Variants in AVEN observed in about 807,000 individuals in gnomAD.
AVEN encodes the protein cell death regulator Aven.
Under a neutral mutation model 38.1 loss-of-function variants are expected in AVEN, and 41 were observed. The observed-to-expected ratio is 1.08, with a 90% CI of 0.84 to 1.40. AVEN has a LOEUF of 1.40. AVEN is among the 40% of genes most tolerant of loss of function. AVEN has a pLI of 0.00. For missense variants in AVEN, 605 were observed against 438.8 expected (o/e 1.38, Z -3.38); for synonymous variants, 206 against 171.8 (o/e 1.20, Z -1.56).
chr15:34,002,619 T>C (rs912630053), intron 2 of AVEN, among the ~76,000 whole-genome samples: 1 of 152,174 alleles, frequency 6.6e-6, no homozygotes, highest in African/African-American at 2.4e-5. Flanking sequence ...TCCACTACTA[T>C]GTATATACCT....
At chr15:33,885,346 G>C (rs8026540) in intron 2 of AVEN, among the ~76,000 whole-genome samples, 5,535 of 152,194 alleles carry the variant, frequency 0.036, 296 homozygotes, top group South Asian at 0.14. Flanking sequence ...GATCAATCCA[G>C]GGAAAATCCA....
At position 33,866,736 on chromosome 15, in the gene AVEN, A is replaced by G. The variant is rs754399516; in HGVS notation, c.974-8T>C. 26 of 1,589,864 alleles carry G rather than the reference A, an allele frequency of 1.6e-5. No homozygotes were observed. The highest frequency in any genetic ancestry group is 8.1e-5 in the African/African-American group (6 of 74,262). On this transcript the variant is annotated splice_region_variant and splice_polypyrimidine_tract_variant and intron_variant, in intron 5 of 5. Transcript: ENST00000306730. ...CAGATGGTTTTGCACAAACTGGGGGAAAAAAAACAATGTTAACACCCTCAG... is the reference window on the plus strand; with the variant it reads ...CAGATGGTTTTGCACAAACTGGGGGGAAAAAAACAATGTTAACACCCTCAG...
rs1018404366 is a variant in AVEN at position 33,866,743 on chromosome 15, ACAATGTTAACACCCT to A, written c.974-30_974-16del. On this transcript the variant is annotated splice_polypyrimidine_tract_variant and intron_variant, in intron 5 of 5. Coordinates refer to ENST00000306730, the MANE Select transcript of AVEN (RefSeq NM_020371.3). ...TTTTGCACAAACTGGGGGAAAAAAA[ACAATGTTAACACCCT>A]CAGATGAGTCCTAAAATTGAAGGTA... 18 of 1,561,030 alleles carry A rather than the reference ACAATGTTAACACCCT, an allele frequency of 1.2e-5. No homozygotes were observed. Among genetic ancestry groups the A allele is most frequent in the Non-Finnish European group, 1.3e-5 (15 of 1,131,994 alleles).
intron 2 of AVEN, among the ~76,000 whole-genome samples, chr15:33,945,075 A>G (rs1894458343): frequency 6.6e-6 from 1 of 152,192 alleles, no homozygotes; most frequent in South Asian, 2.1e-4. Flanking sequence ...GTTCTGAGCA[A>G]TGTCTGTAAT....
chr15:33,872,297 T>A (rs10152764), intron 3 of AVEN, among the ~76,000 whole-genome samples: 1 of 152,050 alleles, frequency 6.6e-6, no homozygotes, highest in Admixed American at 6.5e-5. Flanking sequence ...CATAAGACTC[T>A]GAGTGTCCAG....
rs1555501845 is a variant in AVEN at position 33,866,468 on chromosome 15, G to GAGGTAGGCATTT, written c.*133_*144dup. 5 of 612,752 alleles carry GAGGTAGGCATTT rather than the reference G, an allele frequency of 8.2e-6. No individual in the cohort carries two copies. The highest frequency in any genetic ancestry group is 1.5e-5 in the Non-Finnish European group (5 of 343,846). The allele number at this position is 612,752 out of a possible 1,614,324, so 38.0% of individuals were successfully genotyped here. On this transcript the variant is annotated 3_prime_UTR_variant, in exon 6 of 6. Coordinates refer to ENST00000306730, the MANE Select transcript of AVEN (RefSeq NM_020371.3). ...TGTATTCTTTCAGATGTCAAACACAGAGGTAGGCATTTACTGCTGTGAGCA... is the reference window on the plus strand; with the variant it reads ...TGTATTCTTTCAGATGTCAAACACAGAGGTAGGCATTTAGGTAGGCATTTACTGCTGTGAGCA...
At chr15:33,860,876 T>C (rs1356273557) in intron 11 of AVEN, among the ~76,000 whole-genome samples, 1 of 151,550 alleles carries the variant, frequency 6.6e-6, no homozygotes, top group Non-Finnish European at 1.5e-5. Flanking sequence ...AGCAGTATCC[T>C]CAGCTAATCA....
At chr15:33,862,864 G>C (rs557785571), downstream of AVEN, among the ~76,000 whole-genome samples, 2 of 152,224 alleles carry the variant, frequency 1.3e-5, no homozygotes, top group African/African-American at 2.4e-5. Context: ...ACCTGCCTTG[G>C]CCTCAGCCTC....
At chr15:33,947,684 A>T (rs1048485334) in intron 2 of AVEN, among the ~76,000 whole-genome samples, 1 of 152,072 alleles carries the variant, frequency 6.6e-6, no homozygotes, top group Non-Finnish European at 1.5e-5. Context: ...TAGTTTTACT[A>T]TTTTTTTATA....
At chr15:33,980,910 A>G (rs546751476) in intron 2 of AVEN, among the ~76,000 whole-genome samples, 1 of 152,300 alleles carries the variant, frequency 6.6e-6, no homozygotes, top group South Asian at 2.1e-4. Flanking sequence ...TAAAAATCGT[A>G]TCACTAGAGC....
At chr15:33,865,119 A>C (rs751173871), downstream of AVEN, 1 of 1,601,868 alleles carries the variant, frequency 6.2e-7, no homozygotes, top group Non-Finnish European at 8.5e-7. Context: ...CCCGTTGTTC[A>C]TATTATTTCA....
intron 4 of AVEN, among the ~76,000 whole-genome samples, chr15:33,870,314 T>G (rs970808251): frequency 2.0e-5 from 3 of 152,146 alleles, no homozygotes; most frequent in African/African-American, 7.2e-5. Context: ...CCCCCACACA[T>G]GCACTCCAAT....
chr15:33,918,191 C>T (rs1376949585), intron 2 of AVEN, among the ~76,000 whole-genome samples: 7 of 151,994 alleles, frequency 4.6e-5, no homozygotes, highest in South Asian at 4.1e-4. Context: ...GATTCTCATA[C>T]GTATCTAAGC....
intron 2 of AVEN, among the ~76,000 whole-genome samples, chr15:33,983,930 GA>G (rs11353733): frequency 0.31 from 44,731 of 142,878 alleles, 8,575 homozygotes; most frequent in African/African-American, 0.55. Flanking sequence ...GCCTCATCAT[GA>G]AAAAAAAAAA....
chr15:33,916,499 CAAAG>C (rs1270729458), intron 2 of AVEN, among the ~76,000 whole-genome samples: 1 of 151,900 alleles, frequency 6.6e-6, no homozygotes, highest in East Asian at 1.9e-4. Context: ...GGAAAAAAAA[CAAAG>C]AATCCCATCA....
At chr15:34,014,906 G>A (rs1413724161) in intron 1 of AVEN, among the ~76,000 whole-genome samples, 1 of 152,136 alleles carries the variant, frequency 6.6e-6, no homozygotes, top group Non-Finnish European at 1.5e-5. Context: ...AGCAGAAGAG[G>A]AATAATAAAA....
At chr15:33,905,475 C>G (rs543887546) in intron 2 of AVEN, among the ~76,000 whole-genome samples, 1 of 152,326 alleles carries the variant, frequency 6.6e-6, no homozygotes, top group East Asian at 1.9e-4. Context: ...CACAATCTGC[C>G]TATCCCTCAA....
intron 2 of AVEN, among the ~76,000 whole-genome samples, chr15:33,990,390 A>AG (rs1896671217): frequency 6.6e-6 from 1 of 152,148 alleles, no homozygotes; most frequent in African/African-American, 2.4e-5. Flanking sequence ...TGAAAAAAAA[A>AG]AGAAAAGAAA....
upstream of AVEN, among the ~76,000 whole-genome samples, chr15:34,041,953 C>T (rs1025622921): frequency 6.6e-6 from 1 of 152,150 alleles, no homozygotes; most frequent in Non-Finnish European, 1.5e-5. Flanking sequence ...TCATTCAAGG[C>T]GTATCTTGTT....
Sources: allele counts gnomAD v4.1 joint callset (sites outside exome capture counted in the v4.1 genomes callset), GRCh38; gene constraint gnomAD v4.1.1; transcripts MANE v1.5; gene names NCBI Gene and HGNC (gene_info 2026-07-23, HGNC 2026-07-21).